The following GRIK2 variants were observed in gnomAD, a reference collection of about 807,000 sequenced individuals.
GRIK2 encodes the protein glutamate receptor ionotropic, kainate 2.
A neutral mutation model predicts 100.3 loss-of-function variants in GRIK2; 32 were observed. The ratio of observed to expected loss-of-function variants is 0.32; its 90% confidence interval spans 0.24 to 0.43. GRIK2 has a LOEUF of 0.43. Among genes scored for constraint, GRIK2 ranks in the 20% least tolerant of loss-of-function variants. The pLI is 1.00. For missense variants in GRIK2, 843 were observed against 1,114.9 expected, an observed-to-expected ratio of 0.76 and a Z score of 3.47; for synonymous variants, 417 against 389.4, an observed-to-expected ratio of 1.07 and a Z score of -0.83.
At chr6:101,585,227 G>T (rs1377516382) in intron 2 of GRIK2, among the ~76,000 whole-genome samples, 2 of 151,932 alleles carry the variant, frequency 1.3e-5, no homozygotes, top group African/African-American at 4.8e-5. Context: ...AAAATCATTT[G>T]TTGCTATGTG....
intron 2 of GRIK2, among the ~76,000 whole-genome samples, chr6:101,401,059 T>A (rs1775279644): frequency 6.6e-6 from 1 of 152,212 alleles, no homozygotes; most frequent in Non-Finnish European, 1.5e-5. Context: ...ATATGGTAAG[T>A]GCTACAGTAT....
intron 2 of GRIK2, among the ~76,000 whole-genome samples, chr6:101,412,699 G>A (rs1409630942): frequency 6.6e-6 from 1 of 151,922 alleles, no homozygotes; most frequent in Non-Finnish European, 1.5e-5. Flanking sequence ...TCAAGAAAAT[G>A]CATCCAGTGG....
At chr6:101,673,479 A>G (rs745921898) in intron 4 of GRIK2, among the ~76,000 whole-genome samples, 12 of 152,174 alleles carry the variant, frequency 7.9e-5, no homozygotes, top group Non-Finnish European at 1.0e-4. Context: ...GTATTTTACA[A>G]AAGCTTCTGA....
chr6:101,695,521 ATATT>A (rs1772419917), intron 7 of GRIK2, among the ~76,000 whole-genome samples: 1 of 152,054 alleles, frequency 6.6e-6, no homozygotes, highest in Non-Finnish European at 1.5e-5. Flanking sequence ...ATTCATACCT[ATATT>A]TATCTATGTA....
intron 14 of GRIK2, among the ~76,000 whole-genome samples, chr6:102,000,742 G>A (rs73763627): frequency 0.039 from 5,996 of 151,934 alleles, 408 homozygotes; most frequent in African/African-American, 0.14. Flanking sequence ...GTCACTTCTC[G>A]CATTCCTGCT....
chr6:101,995,978 A>C (rs969523975), intron 14 of GRIK2, among the ~76,000 whole-genome samples: 1 of 152,050 alleles, frequency 6.6e-6, no homozygotes, highest in Non-Finnish European at 1.5e-5. Context: ...TATTTCAAGG[A>C]GAATATAAGA....
At chr6:101,483,522 ATTTT>A (rs1045411948) in intron 2 of GRIK2, among the ~76,000 whole-genome samples, 1 of 152,026 alleles carries the variant, frequency 6.6e-6, no homozygotes, top group African/African-American at 2.4e-5. Context: ...TAACTGAAAA[ATTTT>A]TTTAACTGTT....
At chr6:101,748,819 A>G (rs1336451090) in intron 7 of GRIK2, among the ~76,000 whole-genome samples, 1 of 74,912 alleles carries the variant, frequency 1.3e-5, no homozygotes, top group Non-Finnish European at 2.1e-5. Context: ...ATCATAAAAC[A>G]TATATATACA....
intron 14 of GRIK2, among the ~76,000 whole-genome samples, chr6:102,030,272 T>A (rs942915569): frequency 2.3e-4 from 35 of 151,250 alleles, no homozygotes; most frequent in African/African-American, 8.2e-4. Context: ...TTTAAACCTC[T>A]CCTTTCTTTT....
chr6:101,885,745 AT>A (rs1284066044), intron 11 of GRIK2, among the ~76,000 whole-genome samples: 1 of 152,106 alleles, frequency 6.6e-6, no homozygotes, highest in Non-Finnish European at 1.5e-5. Context: ...TTATTTAAAA[AT>A]ATATAATTTA....
chr6:101,663,939 T>A (rs1324363591), intron 4 of GRIK2, among the ~76,000 whole-genome samples: 2 of 152,208 alleles, frequency 1.3e-5, no homozygotes, highest in Non-Finnish European at 2.9e-5. Context: ...CCTAGGATAC[T>A]GACAGAACTT....
At chr6:101,705,913 T>G (rs1168474410) in intron 7 of GRIK2, among the ~76,000 whole-genome samples, 2 of 151,914 alleles carry the variant, frequency 1.3e-5, no homozygotes, top group Non-Finnish European at 2.9e-5. Context: ...TCAGCAATGT[T>G]AAAAAATATG....
chr6:101,704,004 G>T, intron 7 of GRIK2, among the ~76,000 whole-genome samples: 1 of 151,794 alleles, frequency 6.6e-6, no homozygotes. Context: ...GAAGGTTTAA[G>T]AAGGGGCAAT....
chr6:101,450,072 C>T (rs769915853), intron 2 of GRIK2, among the ~76,000 whole-genome samples: 3 of 151,642 alleles, frequency 2.0e-5, no homozygotes, highest in Non-Finnish European at 3.0e-5. Flanking sequence ...CAAAATATTA[C>T]GGAGTCTGTT....
intron 2 of GRIK2, among the ~76,000 whole-genome samples, chr6:101,543,373 C>A (rs952119627): frequency 5.3e-5 from 8 of 152,136 alleles, no homozygotes; most frequent in Admixed American, 2.0e-4. Flanking sequence ...AAAATGTAAA[C>A]CTTTCTACAA....
chr6:101,541,244 A>T (rs1775967992), intron 2 of GRIK2, among the ~76,000 whole-genome samples: 1 of 152,022 alleles, frequency 6.6e-6, no homozygotes, highest in Non-Finnish European at 1.5e-5. Flanking sequence ...AAGCACTATG[A>T]CTTCCAGACC....
chr6:101,554,619 A>G (rs561739014), intron 2 of GRIK2, among the ~76,000 whole-genome samples: 2 of 152,260 alleles, frequency 1.3e-5, no homozygotes, highest in African/African-American at 4.8e-5. Flanking sequence ...TATCACTATC[A>G]TGGCAATCAA....
intron 11 of GRIK2, among the ~76,000 whole-genome samples, chr6:101,867,931 T>A (rs2128446962): frequency 6.6e-6 from 1 of 151,798 alleles, no homozygotes; most frequent in South Asian, 2.1e-4. Context: ...AATTATTGAA[T>A]AAATACCCCC....
At chr6:101,443,390 A>T (rs1224610335) in intron 2 of GRIK2, among the ~76,000 whole-genome samples, 2 of 152,194 alleles carry the variant, frequency 1.3e-5, no homozygotes, top group African/African-American at 2.4e-5. Flanking sequence ...GATACAGAAA[A>T]GCACTAAAAA....
Sources: gnomAD v4.1 joint callset for allele counts (sites outside exome capture counted in the v4.1 genomes callset) on GRCh38, gnomAD v4.1.1 for gene constraint, MANE v1.5 for transcripts, NCBI Gene and HGNC (gene_info 2026-07-23, HGNC 2026-07-21) for gene names.